TTBK1: variants seen among roughly 807,000 people sequenced by gnomAD.
TTBK1 encodes tau-tubulin kinase 1.
Under a neutral mutation model 108.5 loss-of-function variants are expected in TTBK1, and 34 were observed. That is an observed-to-expected ratio of 0.31 (90% CI 0.24 to 0.42). TTBK1 has a LOEUF of 0.42. Ranked by LOEUF, TTBK1 falls within the 10% of genes least tolerant of loss-of-function variation. TTBK1 has a pLI of 1.00. For synonymous variants in TTBK1, 809 were observed against 795.1 expected (o/e 1.02, Z -0.29); for missense variants, 1,539 against 1,826.0 (o/e 0.84, Z 2.86).
At chr6:43,261,552 C>A (rs564388336) in intron 12 of TTBK1, among the ~76,000 whole-genome samples, 1 of 152,122 alleles carries the variant, frequency 6.6e-6, no homozygotes, top group Non-Finnish European at 1.5e-5. Context: ...CAGTGGCTCG[C>A]GTCTGTAATC....
Position 43,257,913 on chromosome 6 carries a change from G to C in TTBK1, c.963G>C (p.Thr321=). Residue 321 remains threonine (T), a synonymous_variant, in exon 10 of 15, where the codon ACG becomes ACC. Transcript: ENST00000259750. This position sits in a 1 kb window ranked among gnomAD's most constrained non-coding sequence, Gnocchi z 4.5. ...EKAGTDALLS[T]STSTPPQQNT... The stretch of plus-strand genomic sequence containing the variant: ...CAGGCACCGATGCCCTCCTGTCCAC[G>C]AGCACCTCTACCCCGCCCCAGCAGA... 1.2e-6 allele frequency: 2 copies of C among 1,613,802 alleles called. No individual in the cohort carries two copies. The highest frequency in any genetic ancestry group is 1.7e-6 in the Non-Finnish European group (2 of 1,179,970).
At chr6:43,260,012 T>C (rs903097891) in intron 12 of TTBK1, among the ~76,000 whole-genome samples, 4 of 152,178 alleles carry the variant, frequency 2.6e-5, no homozygotes, top group Non-Finnish European at 5.9e-5. Flanking sequence ...GGTGGGTGTG[T>C]GTGCTTCCAG....
rs776032948 is a variant in TTBK1 at position 43,283,985 on chromosome 6, G to A, written c.3245G>A (p.Arg1082Gln). The change falls in exon 14 of 15, where the codon CGG (arginine) becomes CAG (glutamine). Residue 1082 changes from arginine (R) to glutamine (Q), a missense_variant. This residue lies in a region of TTBK1 where 1,055 missense variants were observed against 1,086.5 expected (regional missense o/e 0.97). Coordinates refer to ENST00000259750, the MANE Select transcript of TTBK1 (RefSeq NM_032538.3). This position sits in a 1 kb window ranked among gnomAD's most constrained non-coding sequence, Gnocchi z 8.1. ...SLSAKERWSK[R>Q]ARPQQDLARL... ...TCGGCCAAAGAGCGGTGGAGCAAGC[G>A]GGCTCGGCCGCAGCAGGACCTGGCG... 10 of 1,607,028 alleles carry A rather than the reference G, an allele frequency of 6.2e-6. No individual in the cohort carries two copies. In the Admixed American group the frequency reaches 8.4e-5, roughly 13 times the overall value.
chr6:43,275,311 C>G (rs1029876774), intron 13 of TTBK1, among the ~76,000 whole-genome samples: 1 of 151,994 alleles, frequency 6.6e-6, no homozygotes, highest in African/African-American at 2.4e-5. Flanking sequence ...CCGCCGCGCT[C>G]CCGCCCCACC....
chr6:43,281,217 T>C (rs1778150658), intron 13 of TTBK1, among the ~76,000 whole-genome samples: 1 of 150,266 alleles, frequency 6.7e-6, no homozygotes, highest in Non-Finnish European at 1.5e-5. Flanking sequence ...CTACTAAGAA[T>C]AAAAAAAAAT....
At chr6:43,280,891 C>A (rs1156857812) in intron 13 of TTBK1, among the ~76,000 whole-genome samples, 1 of 152,146 alleles carries the variant, frequency 6.6e-6, no homozygotes, top group Admixed American at 6.5e-5. Flanking sequence ...GAGGAGCCCC[C>A]AGGTGGAGGA....
At chr6:43,279,492 A>G (rs1326464709) in intron 13 of TTBK1, among the ~76,000 whole-genome samples, 1 of 151,998 alleles carries the variant, frequency 6.6e-6, no homozygotes, top group East Asian at 1.9e-4. Flanking sequence ...CTGTCTGTCT[A>G]CCTGTCCCTG....
At chr6:43,272,744 T>A in intron 13 of TTBK1, 1 of 926,618 alleles carries the variant, frequency 1.1e-6, no homozygotes, top group Non-Finnish European at 1.3e-6. Flanking sequence ...CTTCACATGG[T>A]TTGGGTCGAG....
chr6:43,257,771 G>A lies in TTBK1; in HGVS notation c.862-41G>A, dbSNP rs767443489. The A allele has an allele frequency of 3.5e-5, 56 of 1,580,978 alleles. No homozygotes were observed. Among genetic ancestry groups the A allele is most frequent in the Admixed American group, 2.4e-4 (14 of 58,196 alleles). ...TGCCCCTTCCTCCTGGCTAGCCCCC[G>A]GATCACCTCTCTGTCCTCCCATCAC... On this transcript the variant is annotated intron_variant, in intron 9 of 14. Coordinates refer to ENST00000259750, the MANE Select transcript of TTBK1 (RefSeq NM_032538.3). This position sits in a 1 kb window ranked among gnomAD's most constrained non-coding sequence, Gnocchi z 4.5.
intron 2 of TTBK1, among the ~76,000 whole-genome samples, chr6:43,249,027 T>A: frequency 6.6e-6 from 1 of 152,144 alleles, no homozygotes; most frequent in East Asian, 1.9e-4. Context: ...GTGTGGAAAC[T>A]GAGGAAATTG....
intron 2 of TTBK1, among the ~76,000 whole-genome samples, chr6:43,247,192 A>T (rs1348804197): frequency 2.0e-5 from 3 of 152,074 alleles, no homozygotes; most frequent in Non-Finnish European, 4.4e-5. Flanking sequence ...TTGGGGAAAG[A>T]GGCCCTGCAG....
At chr6:43,279,702 A>G (rs1476927691) in intron 13 of TTBK1, among the ~76,000 whole-genome samples, 1 of 152,236 alleles carries the variant, frequency 6.6e-6, no homozygotes, top group Non-Finnish European at 1.5e-5. Context: ...AATATTGTGC[A>G]GAAAAAGTAA....
intron 13 of TTBK1, chr6:43,270,038 T>G: frequency 7.0e-7 from 1 of 1,420,510 alleles, no homozygotes; most frequent in East Asian, 2.6e-5. Flanking sequence ...GACGCAATAA[T>G]CACACACTCA....
In TTBK1 at chr6:43,287,484, C is replaced by T. The variant is rs1026020758; in HGVS notation, c.*2108C>T. ...TGAGAGAGCCCCAGGTCCATTCTAC[C>T]CCCAGCTTCACTCAGCACTGGAGCT... On this transcript the variant is annotated 3_prime_UTR_variant, in exon 15 of 15. Coordinates refer to ENST00000259750, the MANE Select transcript of TTBK1 (RefSeq NM_032538.3). This position sits in a 1 kb window ranked among gnomAD's most constrained non-coding sequence, Gnocchi z 4.1. 5.2e-5 allele frequency: 8 copies of T among 152,560 alleles called. No homozygotes were observed. The highest frequency in any genetic ancestry group is 1.9e-4 in the African/African-American group (8 of 41,418). 9.5% of individuals were successfully genotyped at this position (152,560 alleles called of 1,614,324 possible). A position where few individuals can be genotyped will look rare whatever the true frequency, so the allele number is the denominator to read the frequency against.
rs142476500 is a variant in TTBK1, at chr6:43,253,034, C to T, written c.256+148C>T. 232 of 1,080,358 alleles carry T rather than the reference C, an allele frequency of 2.1e-4. 1 individual carries two copies. In the East Asian group the frequency reaches 2.9e-3, roughly 13 times the overall value. The allele number at this position is 1,080,358 out of a possible 1,614,324, so 66.9% of individuals were successfully genotyped here. On this transcript the variant is annotated intron_variant, in intron 3 of 14. Coordinates refer to ENST00000259750, the MANE Select transcript of TTBK1 (RefSeq NM_032538.3). This position sits in a 1 kb window ranked among gnomAD's most constrained non-coding sequence, Gnocchi z 5.8. ...GAGCCAGGAGCTAAGGGGGAGGTGA[C>T]GGAGCCAGAGTCTAGGAGAGATGGG...
At chr6:43,268,961 A>G (rs1263004268) in intron 13 of TTBK1, among the ~76,000 whole-genome samples, 5 of 152,152 alleles carry the variant, frequency 3.3e-5, no homozygotes, top group Non-Finnish European at 7.4e-5. Flanking sequence ...TCGAATCCTC[A>G]CGACCACCCT....
intron 2 of TTBK1, among the ~76,000 whole-genome samples, chr6:43,252,222 GTGTA>G (rs1353739446): frequency 6.8e-6 from 1 of 147,998 alleles, no homozygotes; most frequent in Non-Finnish European, 1.5e-5. Context: ...GTGTGTGTGT[GTGTA>G]TGGTTGCTCA....
intron 6 of TTBK1, 114 bp from the exon 7 acceptor site, chr6:43,254,935 C>T (rs1777345341): frequency 1.8e-6 from 2 of 1,087,108 alleles, no homozygotes; most frequent in Non-Finnish European, 2.8e-6. Flanking sequence ...AGCAGGCCCA[C>T]CTCCCCAGCC....
chr6:43,284,328 C>A lies in TTBK1; in HGVS notation c.3572+16C>A, dbSNP rs748791983. The A allele has an allele frequency of 6.5e-7, 1 of 1,531,332 alleles. No individual in the cohort carries two copies. The highest frequency in any genetic ancestry group is 1.2e-5 in the South Asian group (1 of 82,002). The allele number at this position is 1,531,332 out of a possible 1,614,324, so 94.9% of individuals were successfully genotyped here. ...TCACCAGCAGGTGAGAAACCGCTGC[C>A]AGCCCCAGGGTGGGCAGAGGGTGGC... On this transcript the variant is annotated intron_variant, in intron 14 of 14. Transcript: ENST00000259750.
Sources: allele counts gnomAD v4.1 joint callset (sites outside exome capture counted in the v4.1 genomes callset), GRCh38; gene constraint gnomAD v4.1.1; regional missense constraint gnomAD v4.1.1; non-coding constraint Gnocchi (gnomAD v3.1); transcripts MANE v1.5; gene names NCBI Gene and HGNC (gene_info 2026-07-23, HGNC 2026-07-21).